Variants in BAZ2B observed in about 807,000 individuals in gnomAD.
The protein encoded by BAZ2B is bromodomain adjacent to zinc finger domain protein 2B.
Under a neutral mutation model 246.0 loss-of-function variants are expected in BAZ2B, and 91 were observed. That is an observed-to-expected ratio of 0.37 (90% confidence interval 0.31 to 0.44). The LOEUF is 0.44. Ranked by LOEUF, BAZ2B falls within the 20% of genes least tolerant of loss-of-function variation. The probability of loss-of-function intolerance (pLI) is 1.00; values close to 1 mark genes in which losing one functional copy is unlikely to be tolerated. For synonymous variants in BAZ2B, 855 were observed against 860.0 expected (o/e 0.99, Z 0.10); for missense variants, 2,332 against 2,533.7 (o/e 0.92, Z 1.71).
At chr2:159,395,966 T>C in intron 19 of BAZ2B, 132 bp from the exon 20 acceptor site, 1 of 686,464 alleles carries the variant, frequency 1.5e-6, no homozygotes, top group Admixed American at 3.3e-5. Flanking sequence ...CAAGTCACAG[T>C]AAATACTAAA....
At chr2:159,328,810 G>T (rs954058311) in intron 34 of BAZ2B, among the ~76,000 whole-genome samples, 2 of 152,114 alleles carry the variant, frequency 1.3e-5, no homozygotes, top group African/African-American at 4.8e-5. Context: ...TACATCTGTG[G>T]ATTCAACCAG....
rs73967853 is a variant in BAZ2B, at chr2:159,374,662, A to C, written c.4068+29T>G. 4,645 of 1,577,208 alleles carry C rather than the reference A, an allele frequency of 2.9e-3. 128 individuals are homozygous for C. The African/African-American group carries it at 0.055, about 19-fold the overall frequency. On this transcript the variant is annotated intron_variant, in intron 26 of 36. Transcript: ENST00000392783. ...GTAGATTTCTAAAACACTGTGAAGA[A>C]GTTAAATGTTAATCAGAAAAGTGCT...
intron 1 of BAZ2B, among the ~76,000 whole-genome samples, chr2:159,592,547 TAA>T (rs1689639752): frequency 6.6e-6 from 1 of 152,218 alleles, no homozygotes; most frequent in South Asian, 2.1e-4. Flanking sequence ...ATTCTCATTC[TAA>T]AAAGAGACTC....
intron 34 of BAZ2B, among the ~76,000 whole-genome samples, chr2:159,326,652 G>A (rs992799676): frequency 2.1e-5 from 3 of 139,654 alleles, no homozygotes; most frequent in Admixed American, 7.1e-5. Context: ...TATTTGTGAG[G>A]CCCTGTTTTC....
chr2:159,355,193 G>A (rs1231315916), intron 27 of BAZ2B, among the ~76,000 whole-genome samples: 2 of 152,314 alleles, frequency 1.3e-5, no homozygotes, highest in East Asian at 3.9e-4. Context: ...AGGTTGAAGA[G>A]AGGTTCAATC....
intron 12 of BAZ2B, 48 bp downstream of exon 12, chr2:159,428,263 C>A: frequency 6.8e-7 from 1 of 1,479,170 alleles, no homozygotes; most frequent in Non-Finnish European, 9.3e-7. Flanking sequence ...TGTACATGAT[C>A]ATGCTTAATA....
intron 1 of BAZ2B, among the ~76,000 whole-genome samples, chr2:159,584,414 C>T (rs1055958666): frequency 3.9e-5 from 6 of 152,114 alleles, no homozygotes; most frequent in African/African-American, 1.4e-4. Context: ...GCCACTGTGC[C>T]CAGCCTGATT....
At chr2:159,693,700 A>G in the BAZ2B span, 1 of 149,492 alleles carries the variant, frequency 6.7e-6, no homozygotes, top group African/African-American at 2.5e-5. Flanking sequence ...GAGTCATTGC[A>G]CCTGACCATC....
chr2:159,604,152 C>T (rs1692841008), intron 1 of BAZ2B, among the ~76,000 whole-genome samples: 1 of 152,166 alleles, frequency 6.6e-6, no homozygotes, highest in African/African-American at 2.4e-5. Flanking sequence ...AGTTGTACAG[C>T]TGCATATACC....
At chr2:159,437,211 A>C (rs1296848905) in intron 8 of BAZ2B, among the ~76,000 whole-genome samples, 1 of 152,200 alleles carries the variant, frequency 6.6e-6, no homozygotes, top group Non-Finnish European at 1.5e-5. Flanking sequence ...CTCTAGGCTG[A>C]TTCTAGAATA....
rs2080461397 is a variant in BAZ2B, at chr2:159,491,515, T to A, written c.-2-12794A>T. ...GCGGGCGGATCACGAGGTCAGGAGA[T>A]CGAGACCATCCCGGCTAAAACGGTG... On this transcript the variant is annotated intron_variant, in intron 2 of 36. Coordinates refer to ENST00000392783, the MANE Select transcript of BAZ2B (RefSeq NM_013450.4). 4.0e-5 allele frequency among the ~76,000 whole-genome samples: 6 copies of A among 150,888 alleles called. No homozygotes were observed. The South Asian group carries it at 1.3e-3, about 32-fold the overall frequency.
chr2:159,445,181 C>A (rs2074049297), intron 6 of BAZ2B, among the ~76,000 whole-genome samples: 1 of 152,100 alleles, frequency 6.6e-6, no homozygotes, highest in Admixed American at 6.5e-5. Flanking sequence ...AAGCTGCATA[C>A]CCACCCTACT....
chr2:159,392,664 T>G (rs924640441), intron 20 of BAZ2B, among the ~76,000 whole-genome samples: 4 of 152,172 alleles, frequency 2.6e-5, no homozygotes, highest in African/African-American at 9.6e-5. Context: ...GTCTAAGTAT[T>G]GTTCTTACTT....
intron 2 of BAZ2B, among the ~76,000 whole-genome samples, chr2:159,493,140 AC>A (rs1460298816): frequency 6.6e-6 from 1 of 152,166 alleles, no homozygotes; most frequent in Non-Finnish European, 1.5e-5. Flanking sequence ...ACAGCATTCA[AC>A]CATACAGCAA....
Position 159,389,444 on chromosome 2 carries a change from T to C in BAZ2B, c.3117A>G (p.Arg1039=), listed in dbSNP as rs1298024293. 13 of 1,609,926 alleles carry C rather than the reference T, an allele frequency of 8.1e-6. No homozygotes were observed. The highest frequency in any genetic ancestry group is 2.7e-5 in the African/African-American group (2 of 74,710). ...GCTCTAGTTTACGCTCTTTATTTAA[T>C]CTTTTCTCATCACGTTTTTCTTGTT... ...RLKQEKRDEK[R]LNKERKLEQR... The change falls in exon 21 of 37, where the codon AGA becomes AGG. Residue 1039 remains arginine (R), a synonymous_variant. Transcript: ENST00000392783.
the BAZ2B span, among the ~76,000 whole-genome samples, chr2:159,676,226 T>C: frequency 1.3e-5 from 2 of 151,354 alleles, no homozygotes; most frequent in Admixed American, 1.3e-4. Flanking sequence ...ACAGATGAGG[T>C]CTTCCTATGT....
chr2:159,640,733 T>C, the BAZ2B span, among the ~76,000 whole-genome samples: 108 of 151,910 alleles, frequency 7.1e-4, no homozygotes, highest in African/African-American at 2.4e-3. Flanking sequence ...TGTAAGTACC[T>C]ATATCAAAAA....
intron 2 of BAZ2B, among the ~76,000 whole-genome samples, chr2:159,538,723 C>T (rs2086303695): frequency 1.3e-5 from 2 of 152,308 alleles, no homozygotes; most frequent in Admixed American, 6.5e-5. Flanking sequence ...TATAATCATA[C>T]AGCCCAATAC....
At chr2:159,451,749 G>A (rs2075126557) in intron 4 of BAZ2B, among the ~76,000 whole-genome samples, 1 of 152,068 alleles carries the variant, frequency 6.6e-6, no homozygotes, top group Admixed American at 6.6e-5. Flanking sequence ...GGCTGGGGGA[G>A]CTATCAAATT....
Sources: gnomAD v4.1 joint callset for allele counts (sites outside exome capture counted in the v4.1 genomes callset) on GRCh38, gnomAD v4.1.1 for gene constraint, MANE v1.5 for transcripts, NCBI Gene and HGNC (gene_info 2026-07-23, HGNC 2026-07-21) for gene names.